The following MICOS10 variants were observed in gnomAD, a reference collection of about 807,000 sequenced individuals.
The protein encoded by MICOS10 is MICOS complex subunit MIC10.
Under a neutral mutation model 13.4 loss-of-function variants are expected in MICOS10, and 5 were observed. The ratio of observed to expected loss-of-function variants is 0.37; its 90% CI spans 0.20 to 0.78. The LOEUF (loss-of-function observed/expected upper bound fraction) is 0.78. Ranked by LOEUF, MICOS10 falls within the 30% of genes least tolerant of loss-of-function variation. The probability of loss-of-function intolerance (pLI) is 0.47; values close to 1 mark genes in which losing one functional copy is unlikely to be tolerated. For synonymous variants in MICOS10, 35 were observed against 33.6 expected (o/e 1.04, Z -0.15); for missense variants, 101 against 94.6 (o/e 1.07, Z -0.28).
At chr1:19,622,398 A>G (rs571674073) in intron 2 of MICOS10, among the ~76,000 whole-genome samples, 3 of 152,328 alleles carry the variant, frequency 2.0e-5, no homozygotes, top group Non-Finnish European at 4.4e-5. Context: ...ATATGATATC[A>G]TTGCAAAAGC....
intron 1 of MICOS10, among the ~76,000 whole-genome samples, chr1:19,598,859 CATA>C (rs1372945476): frequency 2.0e-5 from 3 of 152,070 alleles, no homozygotes; most frequent in South Asian, 2.1e-4. Flanking sequence ...TAATGGTAGT[CATA>C]ATAACTGGCT....
At chr1:19,598,367 GC>G (rs1214496520) in intron 1 of MICOS10, among the ~76,000 whole-genome samples, 1 of 152,176 alleles carries the variant, frequency 6.6e-6, no homozygotes, top group African/African-American at 2.4e-5. Flanking sequence ...TATTTTGGAA[GC>G]GACTAAACAG....
intron 2 of MICOS10, among the ~76,000 whole-genome samples, 175 bp from the exon 3 acceptor site, chr1:19,623,299 C>T (rs548558007): frequency 3.3e-4 from 51 of 152,312 alleles, no homozygotes; most frequent in Admixed American, 5.9e-4. Flanking sequence ...CACTAATTTA[C>T]ACCTCTTTTT....
intron 3 of MICOS10, chr1:19,625,708 A>T: frequency 2.5e-6 from 3 of 1,191,198 alleles, no homozygotes; most frequent in Non-Finnish European, 3.2e-6. Flanking sequence ...TTATATGCAT[A>T]TTATGTATTT....
In MICOS10 at chr1:19,627,349, C is replaced by T. The variant is rs1017420970; in HGVS notation, c.*948C>T. ...AGGGAGAGCCCGATCCCACTTGCCC[C>T]TGTATCCTGTAAATGTTGATTTATC... On this transcript the variant is annotated 3_prime_UTR_variant, in exon 4 of 4. Transcript: ENST00000322753. The T allele has an allele frequency of 9.2e-5, 14 of 152,226 alleles. No individual in the cohort carries two copies. Among genetic ancestry groups the T allele is most frequent in the African/African-American group, 3.4e-4 (14 of 41,462 alleles). The allele number at this position is 152,226 out of a possible 1,614,324, so 9.4% of individuals were successfully genotyped here.
rs950314341 is a variant in MICOS10 at position 19,626,655 on chromosome 1, C to A, written c.*254C>A. 2.1e-6 allele frequency: 1 copy of A among 478,122 alleles called. No individual in the cohort carries two copies. Among genetic ancestry groups the A allele is most frequent in the Admixed American group, 3.3e-5 (1 of 30,424 alleles). The allele number at this position is 478,122 out of a possible 1,614,324, so 29.6% of individuals were successfully genotyped here. A position where few individuals can be genotyped will look rare whatever the true frequency, so the allele number is the denominator to read the frequency against. Reference sequence around the variant, plus strand: ...GTCCATTGCATGGCCTTTGTTTCTTCACCTTTGGTCTCTGAGCATGAGGAG... The same window carrying A: ...GTCCATTGCATGGCCTTTGTTTCTTAACCTTTGGTCTCTGAGCATGAGGAG... On this transcript the variant is annotated 3_prime_UTR_variant, in exon 4 of 4. Coordinates refer to ENST00000322753, the MANE Select transcript of MICOS10 (RefSeq NM_001032363.4).
chr1:19,615,399 G>C (rs780655397), intron 1 of MICOS10, among the ~76,000 whole-genome samples: 3 of 152,198 alleles, frequency 2.0e-5, no homozygotes, highest in Non-Finnish European at 2.9e-5. Flanking sequence ...GAAAGGCACT[G>C]TTAGTATTCT....
At chr1:19,615,396 A>ACTGTTAGT (rs2100300728) in intron 1 of MICOS10, among the ~76,000 whole-genome samples, 1 of 152,340 alleles carries the variant, frequency 6.6e-6, no homozygotes, top group Non-Finnish European at 1.5e-5. Context: ...GCAGAAAGGC[A>ACTGTTAGT]CTGTTAGTAT....
At chr1:19,604,927 T>C (rs1361920074) in intron 1 of MICOS10, among the ~76,000 whole-genome samples, 1 of 152,196 alleles carries the variant, frequency 6.6e-6, no homozygotes, top group Non-Finnish European at 1.5e-5. Flanking sequence ...ATACTTTGGT[T>C]CCTTCTGGGA....
At chr1:19,612,752 T>C (rs1330297380) in intron 1 of MICOS10, among the ~76,000 whole-genome samples, 1 of 152,134 alleles carries the variant, frequency 6.6e-6, no homozygotes, top group Non-Finnish European at 1.5e-5. Flanking sequence ...TTCCTGGCCT[T>C]ACTGTCCTTG....
At chr1:19,602,840 A>T (rs927083287) in intron 1 of MICOS10, among the ~76,000 whole-genome samples, 1 of 152,206 alleles carries the variant, frequency 6.6e-6, no homozygotes, top group Non-Finnish European at 1.5e-5. Context: ...TTATCAACCT[A>T]GGAGACTTTA....
At chr1:19,602,794 A>G (rs1268700351) in intron 1 of MICOS10, among the ~76,000 whole-genome samples, 1 of 152,202 alleles carries the variant, frequency 6.6e-6, no homozygotes. Flanking sequence ...AATAAGTCAC[A>G]CATTTCTTAT....
chr1:19,601,269 C>G (rs978462356), intron 1 of MICOS10: 1 of 317,304 alleles, frequency 3.2e-6, no homozygotes, highest in East Asian at 7.8e-5. Flanking sequence ...CCCTTGCCCC[C>G]ATTACTATCT....
chr1:19,625,587 A>G (rs970110720), intron 3 of MICOS10: 11 of 1,289,448 alleles, frequency 8.5e-6, no homozygotes, highest in Non-Finnish European at 1.1e-5. Context: ...CTGGCATCAG[A>G]GCTGATTGTG....
chr1:19,615,674 G>T (rs2094881338), intron 1 of MICOS10, among the ~76,000 whole-genome samples: 1 of 141,488 alleles, frequency 7.1e-6, no homozygotes, highest in South Asian at 2.2e-4. Context: ...CCAGGCTCAA[G>T]CGATCCTCCC....
At chr1:19,600,210 GTCT>G (rs1230762008) in intron 1 of MICOS10, among the ~76,000 whole-genome samples, 3 of 152,168 alleles carry the variant, frequency 2.0e-5, no homozygotes, top group Non-Finnish European at 2.9e-5. Context: ...GGTGATAAAA[GTCT>G]GACCTGTTAG....
intron 1 of MICOS10, among the ~76,000 whole-genome samples, chr1:19,607,109 G>C (rs1403826537): frequency 2.6e-5 from 4 of 152,204 alleles, no homozygotes; most frequent in Non-Finnish European, 5.9e-5. Flanking sequence ...AATGCTTTTG[G>C]TTGTCTATTG....
intron 1 of MICOS10, among the ~76,000 whole-genome samples, chr1:19,611,307 G>A (rs771322902): frequency 2.0e-5 from 3 of 151,980 alleles, no homozygotes; most frequent in Non-Finnish European, 4.4e-5. Context: ...GAAACCATGA[G>A]CTTGTTAGCT....
At position 19,597,032 on chromosome 1, in the gene MICOS10, C is replaced by G. The variant is rs758940631; in HGVS notation, c.-14C>G. On this transcript the variant is annotated 5_prime_UTR_variant, in exon 1 of 4. Coordinates refer to ENST00000322753, the MANE Select transcript of MICOS10 (RefSeq NM_001032363.4). ...GGCCGGCCGAGAGGAAAGCTGGAGG[C>G]GCGGGTGGGGAACATGTCTGAGTCG... The G allele has an allele frequency of 7.6e-6, 12 of 1,578,162 alleles. No individual in the cohort carries two copies. The highest frequency in any genetic ancestry group is 1.7e-4 in the Middle Eastern group (1 of 5,922).
Sources: allele counts gnomAD v4.1 joint callset (sites outside exome capture counted in the v4.1 genomes callset), GRCh38; gene constraint gnomAD v4.1.1; transcripts MANE v1.5; gene names NCBI Gene and HGNC (gene_info 2026-07-23, HGNC 2026-07-21).